The following LITAF variants were observed in gnomAD, a reference collection of about 807,000 sequenced individuals.
The protein encoded by LITAF is lipopolysaccharide-induced tumor necrosis factor-alpha factor.
LITAF carries 9 observed loss-of-function variants against 14.5 expected under a neutral mutation model. The observed-to-expected ratio is 0.62, with a 90% confidence interval of 0.37 to 1.08. The LOEUF (loss-of-function observed/expected upper bound fraction) is 1.08, where lower values mean the gene tolerates loss of function less well. Ranked by LOEUF, LITAF falls within the 50% of genes least tolerant of loss-of-function variation. LITAF has a pLI of 0.01. For synonymous variants in LITAF, 98 were observed against 88.2 expected, an observed-to-expected ratio of 1.11 and a Z score of -0.62; for missense variants, 206 against 213.4, an observed-to-expected ratio of 0.97 and a Z score of 0.22.
In LITAF at chr16:11,558,182, G is replaced by A. The variant is rs961105286; in HGVS notation, c.-5-1447C>T. Among the ~76,000 whole-genome samples the A allele has an allele frequency of 3.9e-5, 6 of 152,288 alleles. No individual in the cohort carries two copies. The highest frequency in any genetic ancestry group is 5.9e-5 in the Non-Finnish European group (4 of 68,014). On this transcript the variant is annotated intron_variant, in intron 1 of 3. Transcript: ENST00000622633. This position sits in a 1 kb window ranked among gnomAD's most constrained non-coding sequence, Gnocchi z 4.1. ...AGGCAGCAATTAATCCCACTGCAGG[G>A]AGAAGGGTAGAGTCCTTCTCAGAAG...
At chr16:11,603,531 A>T (rs1249707777) in intron 3 of LITAF, among the ~76,000 whole-genome samples, 1 of 152,238 alleles carries the variant, frequency 6.6e-6, no homozygotes, top group African/African-American at 2.4e-5. Context: ...AAAATGGAAC[A>T]GGCGCTCCAG....
intron 2 of LITAF, chr16:11,556,293 T>G: frequency 3.5e-6 from 2 of 571,640 alleles, no homozygotes; most frequent in Non-Finnish European, 6.2e-6. Flanking sequence ...ATGATGACCA[T>G]GGGAAAGATC....
At chr16:11,581,056 C>T (rs1053484420) in intron 1 of LITAF, among the ~76,000 whole-genome samples, 3 of 152,228 alleles carry the variant, frequency 2.0e-5, no homozygotes, top group Non-Finnish European at 4.4e-5. Flanking sequence ...TGAGCCACCA[C>T]GCCCAGCCGC....
intron 1 of LITAF, among the ~76,000 whole-genome samples, chr16:11,580,334 T>G (rs1006247430): frequency 6.6e-6 from 1 of 151,694 alleles, no homozygotes; most frequent in Admixed American, 6.6e-5. Flanking sequence ...CTCAGCTCAC[T>G]GTAACCTCTG....
chr16:11,572,228 C>T (rs1412200789), intron 1 of LITAF, among the ~76,000 whole-genome samples: 1 of 152,168 alleles, frequency 6.6e-6, no homozygotes, highest in Non-Finnish European at 1.5e-5. Context: ...CACTCCTGTT[C>T]CCTTCCTGCT....
upstream of LITAF, among the ~76,000 whole-genome samples, chr16:11,601,117 C>T (rs1416950126): frequency 6.6e-6 from 1 of 151,982 alleles, no homozygotes; most frequent in Non-Finnish European, 1.5e-5. Flanking sequence ...TCTCCATCCC[C>T]CCACCCTCAC....
intron 2 of LITAF, chr16:11,556,158 C>T (rs1597332230): frequency 2.3e-6 from 1 of 428,342 alleles, no homozygotes. Flanking sequence ...TACCTCGGCC[C>T]TGGCCTCAGG....
intron 1 of LITAF, among the ~76,000 whole-genome samples, chr16:11,579,862 A>C (rs2064706269): frequency 6.6e-6 from 1 of 152,172 alleles, no homozygotes; most frequent in Non-Finnish European, 1.5e-5. Context: ...ACCCCAAAAT[A>C]TGACTGCAGG....
At chr16:11,577,698 T>C (rs2064663589) in intron 1 of LITAF, among the ~76,000 whole-genome samples, 1 of 151,766 alleles carries the variant, frequency 6.6e-6, no homozygotes, top group African/African-American at 2.4e-5. Context: ...ATACTCCCTC[T>C]CCAGGGGATG....
intron 3 of LITAF, among the ~76,000 whole-genome samples, chr16:11,614,568 G>A (rs540832879): frequency 1.3e-5 from 2 of 151,920 alleles, no homozygotes; most frequent in African/African-American, 4.8e-5. Flanking sequence ...CCAAAGTGCT[G>A]GGATTACAGG....
At chr16:11,552,356 A>G (rs2064193962) in intron 3 of LITAF, among the ~76,000 whole-genome samples, 1 of 151,360 alleles carries the variant, frequency 6.6e-6, no homozygotes, top group Admixed American at 6.6e-5. Context: ...TTTAAACATA[A>G]TACCTTTGGT....
At chr16:11,555,890 G>T (rs751897277) in intron 2 of LITAF, among the ~76,000 whole-genome samples, 1 of 152,140 alleles carries the variant, frequency 6.6e-6, no homozygotes, top group African/African-American at 2.4e-5. Context: ...TTACAAATGG[G>T]GAAGCTGAGG....
intron 1 of LITAF, among the ~76,000 whole-genome samples, chr16:11,597,760 C>A (rs1029624125): frequency 1.3e-5 from 2 of 152,224 alleles, no homozygotes; most frequent in African/African-American, 2.4e-5. Flanking sequence ...AGGCAAGTCC[C>A]TGCCCTCCGC....
At chr16:11,636,656 G>A (rs1029623410), upstream of LITAF, among the ~76,000 whole-genome samples, 40 of 152,098 alleles carry the variant, frequency 2.6e-4, no homozygotes, top group South Asian at 2.1e-4. Flanking sequence ...TAGAGCCCCC[G>A]TGTTGAACAC....
intron 3 of LITAF, among the ~76,000 whole-genome samples, chr16:11,626,437 G>T (rs1567267595): frequency 6.8e-6 from 1 of 146,862 alleles, no homozygotes; most frequent in African/African-American, 2.4e-5. Context: ...TCTGCCTCCT[G>T]GGTTCAAGGG....
intron 3 of LITAF, among the ~76,000 whole-genome samples, chr16:11,614,502 G>T (rs1461962257): frequency 6.6e-6 from 1 of 151,966 alleles, no homozygotes; most frequent in Non-Finnish European, 1.5e-5. Context: ...GTTTCACCAT[G>T]TTGGCCAGGC....
Position 11,621,134 on chromosome 16 carries a change from G to A in LITAF, c.85+12399C>T, listed in dbSNP as rs536896518. Among the ~76,000 whole-genome samples, 27 of 152,036 alleles carry A rather than the reference G, an allele frequency of 1.8e-4. 1 individual carries two copies. The South Asian group carries it at 4.6e-3, about 26-fold the overall frequency. ...GAGTGCAATGGCAGTGCGCGATCTC[G>A]GCTCACCGCAACCTCCGCCTCCCAG... On this transcript the variant is annotated intron_variant, in intron 3 of 3. Coordinates refer to the LITAF transcript ENST00000574848.
chr16:11,599,881 C>T (rs1487863862), upstream of LITAF, among the ~76,000 whole-genome samples: 2 of 152,212 alleles, frequency 1.3e-5, no homozygotes, highest in African/African-American at 2.4e-5. Flanking sequence ...TCCTTCAAAC[C>T]TGTGCTCAAA....
intron 3 of LITAF, among the ~76,000 whole-genome samples, chr16:11,616,381 G>A (rs958942346): frequency 6.6e-6 from 1 of 152,018 alleles, no homozygotes; most frequent in Non-Finnish European, 1.5e-5. Context: ...GAAGGCTGAG[G>A]TGGGAGGATT....
Sources: gnomAD v4.1 joint callset for allele counts (sites outside exome capture counted in the v4.1 genomes callset) on GRCh38, gnomAD v4.1.1 for gene constraint, Gnocchi (gnomAD v3.1) non-coding constraint, MANE v1.5 for transcripts, NCBI Gene and HGNC (gene_info 2026-07-23, HGNC 2026-07-21) for gene names.